Variants in PHACTR3 observed in about 807,000 individuals in gnomAD.
PHACTR3 encodes phosphatase and actin regulator 3.
A neutral mutation model predicts 66.8 loss-of-function variants in PHACTR3; 16 were observed. The ratio of observed to expected loss-of-function variants is 0.24; its 90% CI spans 0.16 to 0.36. The LOEUF (loss-of-function observed/expected upper bound fraction) is 0.36. PHACTR3 is among the 10% of genes least tolerant of loss of function. The pLI, the probability that PHACTR3 is intolerant of heterozygous loss-of-function variation, is 1.00. For synonymous variants in PHACTR3, 323 were observed against 292.1 expected (o/e 1.11, Z -1.08); for missense variants, 647 against 719.9 (o/e 0.90, Z 1.16).
In PHACTR3 at chr20:59,596,010, T is replaced by A. The variant is rs532577778; in HGVS notation, c.109+18393T>A. On this transcript the variant is annotated intron_variant, in intron 1 of 12. Coordinates refer to the PHACTR3 transcript ENST00000359926. ...ACACACCTCTGTAGGCAGAACGCAG[T>A]TCAAGAAGCAGAATATAACCTGGAT... Among the ~76,000 whole-genome samples, 8 of 152,330 alleles carry A rather than the reference T, an allele frequency of 5.3e-5. 1 individual carries two copies. The South Asian group carries it at 1.7e-3, about 32-fold the overall frequency.
At chr20:59,581,868 G>C (rs1228505233) in intron 1 of PHACTR3, among the ~76,000 whole-genome samples, 1 of 126,712 alleles carries the variant, frequency 7.9e-6, no homozygotes, top group Non-Finnish European at 1.6e-5. Context: ...GTGACAAAGC[G>C]AGACTCCGTC....
At chr20:59,739,890 T>G (rs1601233499) in intron 1 of PHACTR3, among the ~76,000 whole-genome samples, 1 of 152,054 alleles carries the variant, frequency 6.6e-6, no homozygotes, top group Non-Finnish European at 1.5e-5. Context: ...GAGGGGCCTC[T>G]GGAGTCAGGG....
At chr20:59,711,971 T>C (rs1286596939) in intron 1 of PHACTR3, among the ~76,000 whole-genome samples, 1 of 152,194 alleles carries the variant, frequency 6.6e-6, no homozygotes, top group East Asian at 1.9e-4. Flanking sequence ...AAGAGGTCTT[T>C]ATATATTAAG....
intron 1 of PHACTR3, among the ~76,000 whole-genome samples, chr20:59,671,529 C>T (rs937643378): frequency 2.6e-5 from 4 of 152,230 alleles, no homozygotes; most frequent in Non-Finnish European, 4.4e-5. Flanking sequence ...TTGGTTTGAA[C>T]ACAGTGTTTG....
chr20:59,619,488 G>A (rs1458766443), intron 1 of PHACTR3, among the ~76,000 whole-genome samples: 1 of 152,140 alleles, frequency 6.6e-6, no homozygotes, highest in African/African-American at 2.4e-5. Flanking sequence ...GAGCACGGAA[G>A]TAGAGTTTCC....
intron 1 of PHACTR3, among the ~76,000 whole-genome samples, chr20:59,605,855 A>AGGGGGGGGGG (rs2033647544): frequency 1.1e-4 from 1 of 8,832 alleles, no homozygotes. Flanking sequence ...GCGGGGGGGG[A>AGGGGGGGGGG]GGTGGGGGGG....
intron 1 of PHACTR3, among the ~76,000 whole-genome samples, chr20:59,705,379 T>C (rs1223088255): frequency 6.6e-6 from 1 of 152,220 alleles, no homozygotes; most frequent in Admixed American, 6.5e-5. Context: ...CATTGGTTAT[T>C]GCAGATGAGA....
rs2042280830 is a variant in PHACTR3 at position 59,829,346 on chromosome 20, A to G, written c.1329-7159A>G. Among the ~76,000 whole-genome samples the G allele has an allele frequency of 6.6e-6, 1 of 152,122 alleles. No individual in the cohort carries two copies. Among genetic ancestry groups the G allele is most frequent in the South Asian group, 2.1e-4 (1 of 4,836 alleles). ...CTCCATCCCCTCTGCCTGGATGCCC[A>G]TCCCAGGTCTTTCCCTGGGCGGTTT... On this transcript the variant is annotated intron_variant, in intron 8 of 12. Transcript: ENST00000371015. The surrounding 1 kb of genome is among the most constrained non-coding windows in gnomAD (Gnocchi z 4.2).
intron 1 of PHACTR3, among the ~76,000 whole-genome samples, chr20:59,720,521 T>C (rs958530157): frequency 3.9e-5 from 6 of 152,204 alleles, no homozygotes; most frequent in Non-Finnish European, 8.8e-5. Flanking sequence ...AACGCTGTGC[T>C]TGACTCTACC....
chr20:59,633,566 C>T (rs1405175723), intron 1 of PHACTR3, among the ~76,000 whole-genome samples: 1 of 152,182 alleles, frequency 6.6e-6, no homozygotes, highest in Non-Finnish European at 1.5e-5. Context: ...CACCATGGCA[C>T]ATGTATACCT....
At chr20:59,746,321 C>T (rs1234780045) in intron 2 of PHACTR3, among the ~76,000 whole-genome samples, 1 of 152,324 alleles carries the variant, frequency 6.6e-6, no homozygotes, top group African/African-American at 2.4e-5. Context: ...TATTCCTCCT[C>T]GCCCACTTCT....
chr20:59,638,788 A>G (rs1157804888), intron 1 of PHACTR3, among the ~76,000 whole-genome samples: 1 of 62,352 alleles, frequency 1.6e-5, no homozygotes, highest in South Asian at 6.0e-4. Flanking sequence ...GGATAAATGG[A>G]GATGGATAGA....
In PHACTR3 at chr20:59,604,581, T is replaced by C. The variant is rs971307268; in HGVS notation, c.-434T>C. On this transcript the variant is annotated 5_prime_UTR_variant, in exon 1 of 13. Coordinates refer to ENST00000371015, the MANE Select transcript of PHACTR3 (RefSeq NM_080672.5). The stretch of plus-strand genomic sequence containing the variant: ...AAGAGCAAAGATTCTTCCTTTTCCC[T>C]TTTTTCCTGGGGGGGTGGGGGGTGG... The C allele has an allele frequency of 2.1e-5, 15 of 724,048 alleles. No individual in the cohort carries two copies. Among genetic ancestry groups the C allele is most frequent in the Non-Finnish European group, 2.5e-5 (15 of 600,530 alleles). 44.9% of individuals were successfully genotyped at this position (724,048 alleles called of 1,614,324 possible).
At position 59,634,084 on chromosome 20, in the gene PHACTR3, C is replaced by T. The variant is rs766954788; in HGVS notation, c.118+28952C>T. Among the ~76,000 whole-genome samples the T allele has an allele frequency of 3.9e-5, 6 of 152,192 alleles. 1 individual carries two copies. The highest frequency in any genetic ancestry group is 4.1e-4 in the South Asian group (2 of 4,832). On this transcript the variant is annotated intron_variant, in intron 1 of 12. Transcript: ENST00000371015. The stretch of plus-strand genomic sequence containing the variant: ...CCGTCACTGTTCAGCGCCCAGCTTT[C>T]GGTCTTCACCTTATTGCCTGGGAGA...
At chr20:59,601,395 G>T (rs142390073), upstream of PHACTR3, among the ~76,000 whole-genome samples, 2 of 152,174 alleles carry the variant, frequency 1.3e-5, no homozygotes, top group Admixed American at 1.3e-4. Context: ...TAGGTTGTTC[G>T]TAATTTTTTG....
At chr20:59,784,351 A>G (rs988384175) in intron 7 of PHACTR3, among the ~76,000 whole-genome samples, 3 of 151,906 alleles carry the variant, frequency 2.0e-5, no homozygotes, top group African/African-American at 7.3e-5. Context: ...TAGAATGTGT[A>G]TGTACAAACA....
chr20:59,755,151 A>G (rs1178427629), intron 3 of PHACTR3, 31 bp from the exon 4 acceptor site: 3 of 1,599,536 alleles, frequency 1.9e-6, no homozygotes, highest in Non-Finnish European at 2.6e-6. Flanking sequence ...AGGGAGGTGC[A>G]GGCCCAGCTG....
chr20:59,768,220 C>T (rs2040246659), intron 5 of PHACTR3, among the ~76,000 whole-genome samples: 1 of 152,216 alleles, frequency 6.6e-6, no homozygotes, highest in Non-Finnish European at 1.5e-5. Context: ...AAACAGGACA[C>T]ATTGATGGTC....
At chr20:59,825,792 C>T (rs1012138302) in intron 8 of PHACTR3, among the ~76,000 whole-genome samples, 54 of 152,116 alleles carry the variant, frequency 3.5e-4, no homozygotes, top group Admixed American at 2.6e-3. Flanking sequence ...GTGCTGTGGT[C>T]TGAATGTTTG....
Sources: allele counts gnomAD v4.1 joint callset (sites outside exome capture counted in the v4.1 genomes callset), GRCh38; gene constraint gnomAD v4.1.1; non-coding constraint Gnocchi (gnomAD v3.1); transcripts MANE v1.5; gene names NCBI Gene and HGNC (gene_info 2026-07-23, HGNC 2026-07-21).